The following DOCK2 variants were observed in gnomAD, a reference collection of about 807,000 sequenced individuals.
The protein encoded by DOCK2 is dedicator of cytokinesis 2, also known as dedicator of cytokinesis protein 2.
DOCK2 carries 87 observed loss-of-function variants against 248.9 expected under a neutral mutation model. That is an observed-to-expected ratio of 0.35 (90% confidence interval 0.29 to 0.42). The LOEUF is 0.42. Ranked by LOEUF, DOCK2 falls within the 10% of genes least tolerant of loss-of-function variation. The pLI is 1.00. For missense variants in DOCK2, 1,747 were observed against 2,300.2 expected (o/e 0.76, Z 4.92); for synonymous variants, 805 against 821.6 (o/e 0.98, Z 0.35).
intron 26 of DOCK2, among the ~76,000 whole-genome samples, chr5:169,830,235 A>G (rs1298211127): frequency 3.3e-5 from 5 of 152,240 alleles, no homozygotes; most frequent in African/African-American, 4.8e-5. Context: ...CAGATCTATA[A>G]GGTTATTCTG....
At chr5:169,750,192 G>A (rs1012406820) in intron 23 of DOCK2, among the ~76,000 whole-genome samples, 1 of 152,224 alleles carries the variant, frequency 6.6e-6, no homozygotes, top group South Asian at 2.1e-4. Context: ...ATGGAAGAGG[G>A]AATAGGTAAT....
chr5:169,702,391 C>G lies in DOCK2; in HGVS notation c.1347C>G (p.Ile449Met). ...NKTTQRNVEV[I>M]MCVCAEDGKT... Reference sequence around the variant, plus strand: ...CCACACAGAGGAATGTGGAAGTCATCATGTGTGTGTGCGCGGAGGATGGCA... The same window carrying G: ...CCACACAGAGGAATGTGGAAGTCATGATGTGTGTGTGCGCGGAGGATGGCA... The change falls in exon 14 of 52, where the codon ATC becomes ATG. Residue 449 changes from isoleucine (I) to methionine (M), a missense_variant. Coordinates refer to ENST00000520908, the MANE Select transcript of DOCK2 (RefSeq NM_004946.3). 1.2e-6 allele frequency: 2 copies of G among 1,613,972 alleles called. No individual in the cohort carries two copies. The highest frequency in any genetic ancestry group is 8.5e-7 in the Non-Finnish European group (1 of 1,179,890).
At chr5:169,822,024 G>A (rs1252950437) in intron 26 of DOCK2, among the ~76,000 whole-genome samples, 2 of 152,282 alleles carry the variant, frequency 1.3e-5, no homozygotes, top group South Asian at 2.1e-4. Flanking sequence ...GACAAAGAAA[G>A]CCATTACATA....
chr5:169,738,158 G>A (rs976257046), intron 22 of DOCK2, among the ~76,000 whole-genome samples: 1 of 152,182 alleles, frequency 6.6e-6, no homozygotes, highest in Non-Finnish European at 1.5e-5. Context: ...GATGTCTTCT[G>A]TGTTCATGGT....
At chr5:169,883,324 C>G in intron 27 of DOCK2, 1 of 1,551,602 alleles carries the variant, frequency 6.4e-7, no homozygotes, top group Non-Finnish European at 8.7e-7. Flanking sequence ...TAAGGACCTC[C>G]AAGTTCCTGC....
intron 30 of DOCK2, 76 bp from the exon 31 acceptor site, chr5:170,008,421 T>G: frequency 2.0e-6 from 3 of 1,469,138 alleles, no homozygotes; most frequent in Non-Finnish European, 2.8e-6. Flanking sequence ...CTTCATAAAT[T>G]ATTCACACTA....
At chr5:169,863,132 C>G (rs1771307859) in intron 27 of DOCK2, among the ~76,000 whole-genome samples, 1 of 152,150 alleles carries the variant, frequency 6.6e-6, no homozygotes, top group African/African-American at 2.4e-5. Context: ...TAGGTCTTGT[C>G]AACAGAATGA....
chr5:169,672,485 T>C (rs563141774), intron 5 of DOCK2, among the ~76,000 whole-genome samples: 1 of 152,340 alleles, frequency 6.6e-6, no homozygotes, highest in Non-Finnish European at 1.5e-5. Flanking sequence ...GTGTAATATT[T>C]ACTTAATAGC....
intron 25 of DOCK2, among the ~76,000 whole-genome samples, chr5:169,784,770 A>C (rs1379433906): frequency 6.6e-6 from 1 of 152,214 alleles, no homozygotes; most frequent in East Asian, 1.9e-4. Flanking sequence ...ATTTATGGCA[A>C]AGGATACTGG....
At chr5:169,646,848 A>G (rs1199349192) in intron 1 of DOCK2, among the ~76,000 whole-genome samples, 1 of 152,242 alleles carries the variant, frequency 6.6e-6, no homozygotes, top group Admixed American at 6.5e-5. Flanking sequence ...CTAAGGTTTG[A>G]ATTCTTGAAG....
rs777933225 is a variant in DOCK2, at chr5:170,077,737, C to T, written c.4894C>T (p.Arg1632Cys). The change falls in exon 48 of 52, where the codon CGT (arginine) becomes TGT (cysteine). Residue 1632 changes from arginine to cysteine, a missense_variant. Arg to Cys is a radical substitution (Grantham distance 180). Coordinates refer to ENST00000520908, the MANE Select transcript of DOCK2 (RefSeq NM_004946.3). Reference protein sequence around the residue: ...MPDFDDRRVGRPRSMLRSYRQ... With the variant: ...MPDFDDRRVGCPRSMLRSYRQ... ...TGACTTTGACGACAGGAGAGTGGGC[C>T]GTCCCAGGTCTATGCTGCGCTCATA... 18 of 1,613,718 alleles carry T rather than the reference C, an allele frequency of 1.1e-5. No individual in the cohort carries two copies. The highest frequency in any genetic ancestry group is 1.7e-5 in the Admixed American group (1 of 59,972).
chr5:169,999,239 T>C (rs774451134), intron 30 of DOCK2, among the ~76,000 whole-genome samples: 20 of 152,216 alleles, frequency 1.3e-4, no homozygotes, highest in Non-Finnish European at 2.9e-4. Flanking sequence ...AGTACGGGCT[T>C]GCAAGCTGAG....
rs377080151 is a variant in DOCK2 at position 170,076,039 on chromosome 5, G to C, written c.4821G>C (p.Lys1607Asn). 1 of 1,610,868 alleles carries C rather than the reference G, an allele frequency of 6.2e-7. No homozygotes were observed. The change falls in exon 47 of 52, where the codon AAG (lysine) becomes AAC (asparagine). Residue 1607 changes from lysine (K) to asparagine (N), a missense_variant. By Grantham distance (94) the Lys-to-Asn change is moderately conservative. Transcript: ENST00000520908. ...PFHDRMEECF[K>N]NLKMKVEKEY... ...ATGACCGGATGGAGGAATGTTTCAA[G>C]AACCTGAAAATGAAGGTGGAGAAGG...
intron 25 of DOCK2, among the ~76,000 whole-genome samples, chr5:169,768,179 A>G (rs1376001255): frequency 6.6e-6 from 1 of 152,108 alleles, no homozygotes; most frequent in East Asian, 1.9e-4. Context: ...AACACATCAC[A>G]TGTGCTCTGC....
intron 27 of DOCK2, among the ~76,000 whole-genome samples, chr5:169,893,260 G>A (rs1773401194): frequency 6.6e-6 from 1 of 152,178 alleles, no homozygotes; most frequent in South Asian, 2.1e-4. Context: ...TGCTGCTGCT[G>A]AATCTGAAAG....
chr5:169,659,360 G>C (rs995768146), intron 2 of DOCK2, among the ~76,000 whole-genome samples: 1 of 152,122 alleles, frequency 6.6e-6, no homozygotes, highest in Admixed American at 6.6e-5. Context: ...AAGTAAAGAA[G>C]CTGTCTACCA....
chr5:169,764,897 G>A lies in DOCK2; in HGVS notation c.2554+3272G>A, dbSNP rs1292501007. Among the ~76,000 whole-genome samples, 1 of 149,890 alleles carries A rather than the reference G, an allele frequency of 6.7e-6. No homozygotes were observed. The highest frequency in any genetic ancestry group is 6.6e-5 in the Admixed American group (1 of 15,162). On this transcript the variant is annotated intron_variant, in intron 25 of 51. Transcript: ENST00000520908. The surrounding 1 kb of genome is among the most constrained non-coding windows in gnomAD (Gnocchi z 4.3). ...TTTTCAATTTTTATTGCCCTAGAAT[G>A]TTTTTGTAAAGGGGCCATGTTACAT...
At chr5:170,008,906 CT>C (rs1477770723) in intron 32 of DOCK2, among the ~76,000 whole-genome samples, 160 bp downstream of exon 32, 2 of 152,012 alleles carry the variant, frequency 1.3e-5, no homozygotes, top group African/African-American at 4.8e-5. Flanking sequence ...TGATTATACT[CT>C]GAATAAGAGG....
rs570456552 is a variant in DOCK2 at position 170,008,195 on chromosome 5, AAAC to A, written c.3073-272_3073-270del. On this transcript the variant is annotated intron_variant, in intron 30 of 51. Coordinates refer to ENST00000520908, the MANE Select transcript of DOCK2 (RefSeq NM_004946.3). ...AAAACAGAACAAAGCACAAGGACAA[AAAC>A]AACAACAACAACAACAACAACAACA... is the stretch of plus-strand genomic sequence containing the variant. 4.1e-3 allele frequency among the ~76,000 whole-genome samples: 546 copies of A among 134,570 alleles called. 16 individuals carry two copies. The highest frequency in any genetic ancestry group is 0.033 in the Admixed American group (455 of 13,816). The allele number at this position is 134,570 out of a possible 152,430, so 88.3% of individuals were successfully genotyped here. A position where few individuals can be genotyped will look rare whatever the true frequency, so the allele number is the denominator to read the frequency against.
Sources: allele counts gnomAD v4.1 joint callset (sites outside exome capture counted in the v4.1 genomes callset), GRCh38; gene constraint gnomAD v4.1.1; non-coding constraint Gnocchi (gnomAD v3.1); transcripts MANE v1.5; gene names NCBI Gene and HGNC (gene_info 2026-07-23, HGNC 2026-07-21).